PRKN: variants seen among roughly 807,000 people sequenced by gnomAD.
PRKN encodes E3 ubiquitin-protein ligase parkin.
In PRKN, 56 loss-of-function variants were observed where a neutral mutation model predicts 59.5. That is an observed-to-expected ratio of 0.94 (90% CI 0.76 to 1.18). The LOEUF is 1.18. Among genes scored for constraint, PRKN ranks in the 50% most tolerant of loss-of-function variants. The pLI, the probability that PRKN is intolerant of heterozygous loss-of-function variation, is 0.00. For missense variants in PRKN, 657 were observed against 596.4 expected (o/e 1.10, Z -1.06); for synonymous variants, 250 against 222.1 (o/e 1.13, Z -1.12).
rs533258364 is a variant in PRKN at position 162,690,780 on chromosome 6, G to C, written c.7+36882C>G. Among the ~76,000 whole-genome samples, 37 of 152,218 alleles carry C rather than the reference G, an allele frequency of 2.4e-4. No individual in the cohort carries two copies. The South Asian group carries it at 2.7e-3, about 11-fold the overall frequency. On this transcript the variant is annotated intron_variant, in intron 1 of 11. Transcript: ENST00000366898. ...TTAAGATACTAACTAGGTCAGATCAGATGTTCCTCTTTTTTTCTTTTACTA... is the reference window on the plus strand; with the variant it reads ...TTAAGATACTAACTAGGTCAGATCACATGTTCCTCTTTTTTTCTTTTACTA...
At chr6:162,445,370 T>C in intron 1 of PRKN, among the ~76,000 whole-genome samples, 1 of 152,110 alleles carries the variant, frequency 6.6e-6, no homozygotes, top group East Asian at 1.9e-4. Context: ...TCTACTAAAA[T>C]AGGCTTCCTG....
chr6:162,601,793 T>A (rs968697011), intron 1 of PRKN, among the ~76,000 whole-genome samples: 7 of 152,136 alleles, frequency 4.6e-5, no homozygotes, highest in Admixed American at 2.0e-4. Flanking sequence ...CACCCCTAGA[T>A]TTTACTATAC....
intron 2 of PRKN, among the ~76,000 whole-genome samples, chr6:162,390,231 A>G (rs980501113): frequency 2.0e-5 from 3 of 151,946 alleles, no homozygotes; most frequent in Non-Finnish European, 4.4e-5. Context: ...TTAAAAATTA[A>G]ATGTATAACA....
At chr6:162,312,994 C>T (rs1172109345) in intron 2 of PRKN, among the ~76,000 whole-genome samples, 2 of 151,888 alleles carry the variant, frequency 1.3e-5, no homozygotes, top group African/African-American at 2.4e-5. Flanking sequence ...CACATATATA[C>T]CTTAAAAATA....
chr6:162,120,008 TTTG>T (rs964045239), intron 4 of PRKN, among the ~76,000 whole-genome samples: 2 of 152,126 alleles, frequency 1.3e-5, no homozygotes, highest in East Asian at 3.9e-4. Context: ...AGTTCTCTGT[TTTG>T]TTGTTGTTGT....
chr6:161,384,144 C>T (rs1167426611), intron 10 of PRKN, among the ~76,000 whole-genome samples: 1 of 152,194 alleles, frequency 6.6e-6, no homozygotes, highest in Non-Finnish European at 1.5e-5. Context: ...TCTGTGGCAT[C>T]TATTGAAGCC....
At chr6:161,977,322 G>C (rs1034650807) in intron 5 of PRKN, among the ~76,000 whole-genome samples, 1 of 152,108 alleles carries the variant, frequency 6.6e-6, no homozygotes, top group East Asian at 1.9e-4. Flanking sequence ...GTCTCTCTCA[G>C]GGTTGAAGTA....
chr6:161,837,692 G>A (rs1024519405), intron 6 of PRKN, among the ~76,000 whole-genome samples: 1 of 152,112 alleles, frequency 6.6e-6, no homozygotes, highest in Admixed American at 6.5e-5. Flanking sequence ...AATAATAAGG[G>A]ACTGAGGGTG....
intron 6 of PRKN, among the ~76,000 whole-genome samples, chr6:161,920,664 C>T (rs1562391463): frequency 6.6e-6 from 1 of 151,274 alleles, no homozygotes; most frequent in Non-Finnish European, 1.5e-5. Context: ...GTGGTGTGTG[C>T]CTGTAATCCC....
intron 2 of PRKN, among the ~76,000 whole-genome samples, chr6:162,414,298 T>A (rs140532392): frequency 1.3e-5 from 2 of 152,294 alleles, no homozygotes; most frequent in Non-Finnish European, 2.9e-5. Flanking sequence ...GATTCCAGAT[T>A]ACTCTTGCTT....
intron 2 of PRKN, among the ~76,000 whole-genome samples, chr6:162,287,290 G>A (rs1011202289): frequency 1.3e-5 from 2 of 152,170 alleles, no homozygotes; most frequent in African/African-American, 4.8e-5. Context: ...CACATTGCCA[G>A]GCATGGGGGT....
chr6:161,503,791 G>A lies in PRKN; in HGVS notation c.1083+45063C>T, dbSNP rs1297666685. On this transcript the variant is annotated intron_variant, in intron 9 of 11. Transcript: ENST00000366898. This position sits in a 1 kb window ranked among gnomAD's most constrained non-coding sequence, Gnocchi z 5.1. ...GGCCGTGACACAAAGTCAGATGTGA[G>A]CATTCTTTTAGAATCCACTGTGAGG... 6.6e-6 allele frequency among the ~76,000 whole-genome samples: 1 copy of A among 152,208 alleles called. No homozygotes were observed. The highest frequency in any genetic ancestry group is 1.5e-5 in the Non-Finnish European group (1 of 68,024).
chr6:161,592,070 A>G lies in PRKN; in HGVS notation c.872-22654T>C, dbSNP rs1055577757. Among the ~76,000 whole-genome samples, 7 of 152,178 alleles carry G rather than the reference A, an allele frequency of 4.6e-5. No homozygotes were observed. The highest frequency in any genetic ancestry group is 5.9e-5 in the Non-Finnish European group (4 of 68,040). On this transcript the variant is annotated intron_variant, in intron 7 of 11. Coordinates refer to ENST00000366898, the MANE Select transcript of PRKN (RefSeq NM_004562.3). The surrounding 1 kb of genome is among the most constrained non-coding windows in gnomAD (Gnocchi z 4.8). The stretch of plus-strand genomic sequence containing the variant: ...ATATACTTAAAATCATCCCTAGATT[A>G]TGTATATCTAATACAAAGTCAATGC...
chr6:162,709,374 A>G (rs533548920), intron 1 of PRKN, among the ~76,000 whole-genome samples: 1 of 36,006 alleles, frequency 2.8e-5, no homozygotes, highest in African/African-American at 1.3e-4. Context: ...GGGTCTGAAC[A>G]CTTTTTTTTT....
In PRKN at chr6:162,056,541, C is replaced by T. The variant is rs896833636; in HGVS notation, c.535-2367G>A. 6.6e-6 allele frequency among the ~76,000 whole-genome samples: 1 copy of T among 152,136 alleles called. No homozygotes were observed. The highest frequency in any genetic ancestry group is 2.4e-5 in the African/African-American group (1 of 41,422). On this transcript the variant is annotated intron_variant, in intron 4 of 11. Coordinates refer to ENST00000366898, the MANE Select transcript of PRKN (RefSeq NM_004562.3). This position sits in a 1 kb window ranked among gnomAD's most constrained non-coding sequence, Gnocchi z 4.9. Reference sequence around the variant, plus strand: ...ATCCACCGATCATTAATCCAAAGGCCACCGCTTAATATGGAGGTAAATTTG... The same window carrying T: ...ATCCACCGATCATTAATCCAAAGGCTACCGCTTAATATGGAGGTAAATTTG...
At chr6:161,587,707 C>A (rs942812285) in intron 7 of PRKN, among the ~76,000 whole-genome samples, 13 of 151,938 alleles carry the variant, frequency 8.6e-5, no homozygotes, top group African/African-American at 3.1e-4. Context: ...CGAGTAAGTT[C>A]TTTAGTGGTG....
At chr6:162,112,846 T>C (rs1275681234) in intron 4 of PRKN, among the ~76,000 whole-genome samples, 1 of 150,868 alleles carries the variant, frequency 6.6e-6, no homozygotes, top group African/African-American at 2.4e-5. Flanking sequence ...GAGGCTGAGG[T>C]AGGGAGGTCA....
At chr6:162,603,652 A>G (rs1781795346) in intron 1 of PRKN, among the ~76,000 whole-genome samples, 1 of 152,264 alleles carries the variant, frequency 6.6e-6, no homozygotes, top group South Asian at 2.1e-4. Context: ...ACGAATAACA[A>G]TGATCAAACA....
rs1779732172 is a variant in PRKN, at chr6:161,544,596, A to G, written c.1083+4258T>C. The stretch of plus-strand genomic sequence containing the variant: ...ACATGATTCACCAAGAAGAATGAAA[A>G]GGCTTAGGACAGGAATATAAAGACA... On this transcript the variant is annotated intron_variant, in intron 9 of 11. Transcript: ENST00000366898. The surrounding 1 kb of genome is among the most constrained non-coding windows in gnomAD (Gnocchi z 5.5). Among the ~76,000 whole-genome samples the G allele has an allele frequency of 6.6e-6, 1 of 152,178 alleles. No individual in the cohort carries two copies. The highest frequency in any genetic ancestry group is 1.5e-5 in the Non-Finnish European group (1 of 68,030).
Sources: gnomAD v4.1 joint callset for allele counts (sites outside exome capture counted in the v4.1 genomes callset) on GRCh38, gnomAD v4.1.1 for gene constraint, Gnocchi (gnomAD v3.1) non-coding constraint, MANE v1.5 for transcripts, NCBI Gene and HGNC (gene_info 2026-07-23, HGNC 2026-07-21) for gene names.